PRKCH: variants seen among roughly 807,000 people sequenced by gnomAD.
PRKCH encodes protein kinase C eta type.
Under a neutral mutation model 82.5 loss-of-function variants are expected in PRKCH, and 28 were observed. The observed-to-expected ratio is 0.34, with a 90% CI of 0.25 to 0.47. The LOEUF is 0.47. Ranked by LOEUF, PRKCH falls within the 20% of genes least tolerant of loss-of-function variation. The probability of loss-of-function intolerance (pLI) is 1.00; values close to 1 mark genes in which losing one functional copy is unlikely to be tolerated. For synonymous variants in PRKCH, 322 were observed against 327.4 expected (o/e 0.98, Z 0.18); for missense variants, 705 against 881.8 (o/e 0.80, Z 2.54).
rs577858517 is a variant in PRKCH at position 61,399,375 on chromosome 14, T to G, written c.427+8087T>G. Among the ~76,000 whole-genome samples the G allele has an allele frequency of 1.2e-4, 18 of 152,342 alleles. No individual in the cohort carries two copies. In the East Asian group the frequency reaches 2.3e-3, roughly 20 times the overall value. ...ACTTGAACATTTTACCTCTTTCCACTTACAAATTAAAGCTGGAGGGTTTTT... is the reference window on the plus strand; with the variant it reads ...ACTTGAACATTTTACCTCTTTCCACGTACAAATTAAAGCTGGAGGGTTTTT... On this transcript the variant is annotated intron_variant, in intron 2 of 13. Coordinates refer to ENST00000332981, the MANE Select transcript of PRKCH (RefSeq NM_006255.5).
chr14:61,490,536 G>T (rs187248680), intron 10 of PRKCH, among the ~76,000 whole-genome samples: 5 of 152,256 alleles, frequency 3.3e-5, no homozygotes, highest in Admixed American at 3.3e-4. Context: ...ACTCAGCTGG[G>T]CATAGCCTTG....
At chr14:61,547,611 AAACCC>A (rs1481273158) in intron 12 of PRKCH, 127 bp from the exon 13 acceptor site, 1 of 1,165,668 alleles carries the variant, frequency 8.6e-7, no homozygotes, top group Non-Finnish European at 1.2e-6. Flanking sequence ...CTGTGATGGA[AAACCC>A]AGCTAGTTAA....
intron 1 of PRKCH, among the ~76,000 whole-genome samples, chr14:61,239,158 G>A (rs978371279): frequency 1.1e-4 from 17 of 152,218 alleles, no homozygotes; most frequent in African/African-American, 3.9e-4. Flanking sequence ...AGCGAGCTGT[G>A]GATATTGCAT....
chr14:61,239,469 G>A (rs923293946), intron 1 of PRKCH, among the ~76,000 whole-genome samples: 4 of 152,164 alleles, frequency 2.6e-5, no homozygotes, highest in Non-Finnish European at 2.9e-5. Flanking sequence ...GTCTCAATCT[G>A]ATGTAACTGC....
In PRKCH at chr14:61,550,649, A is replaced by G. The variant is rs1404462954; in HGVS notation, c.*818A>G. ...TGCACATAACTCTTTTTTCACAAGA[A>G]GGGTCACTGCCACAACAGCACAGTC... On this transcript the variant is annotated 3_prime_UTR_variant, in exon 14 of 14. Coordinates refer to ENST00000332981, the MANE Select transcript of PRKCH (RefSeq NM_006255.5). 1 of 152,666 alleles carries G rather than the reference A, an allele frequency of 6.6e-6. No individual in the cohort carries two copies. The highest frequency in any genetic ancestry group is 1.5e-5 in the Non-Finnish European group (1 of 68,048). 9.5% of individuals were successfully genotyped at this position (152,666 alleles called of 1,614,324 possible).
intron 9 of PRKCH, among the ~76,000 whole-genome samples, chr14:61,460,845 C>T (rs1479921076): frequency 2.0e-5 from 3 of 152,166 alleles, no homozygotes; most frequent in Non-Finnish European, 4.4e-5. Context: ...TTGCATTCCT[C>T]TAACTGTGAG....
intron 1 of PRKCH, among the ~76,000 whole-genome samples, chr14:61,369,232 C>T (rs983211852): frequency 6.6e-6 from 1 of 152,110 alleles, no homozygotes; most frequent in African/African-American, 2.4e-5. Context: ...GTTAAAACAG[C>T]TTGCTGGACC....
At chr14:61,528,770 G>C (rs2043004073) in intron 10 of PRKCH, 2 of 212,614 alleles carry the variant, frequency 9.4e-6, no homozygotes, top group African/African-American at 4.6e-5. Flanking sequence ...TAAGTGGAAA[G>C]CCTAGAAAAG....
At chr14:61,347,096 G>A (rs1461912302) in intron 1 of PRKCH, among the ~76,000 whole-genome samples, 1 of 152,144 alleles carries the variant, frequency 6.6e-6, no homozygotes, top group Non-Finnish European at 1.5e-5. Context: ...TGACGGGTGG[G>A]GACTGGTGGG....
At chr14:61,234,473 G>A (rs1238378379) in intron 1 of PRKCH, among the ~76,000 whole-genome samples, 20 of 152,114 alleles carry the variant, frequency 1.3e-4, no homozygotes, top group South Asian at 4.2e-4. Context: ...GAAACTCTAG[G>A]GGGGACAATC....
At position 61,522,871 on chromosome 14, in the gene PRKCH, G is replaced by A. The variant is rs568934941; in HGVS notation, c.1434-6204G>A. Among the ~76,000 whole-genome samples, 17 of 152,354 alleles carry A rather than the reference G, an allele frequency of 1.1e-4. 1 individual carries two copies. Among genetic ancestry groups the A allele is most frequent in the South Asian group, 1.0e-3 (5 of 4,830 alleles). On this transcript the variant is annotated intron_variant, in intron 10 of 13. Coordinates refer to ENST00000332981, the MANE Select transcript of PRKCH (RefSeq NM_006255.5). Reference sequence around the variant, plus strand: ...GGGTGGGTGAAGGGATGGATATCTCGTGTCAGGTGATGCATGAATGGCACT... The same window carrying A: ...GGGTGGGTGAAGGGATGGATATCTCATGTCAGGTGATGCATGAATGGCACT...
chr14:61,214,879 T>G lies in PRKCH; in HGVS notation c.-19+27211T>G, dbSNP rs539990123. ...AAAATCATTGTTTAAATCATTTATG[T>G]TATACTTTATCAGAAGGTGTTTTCA... On this transcript the variant is annotated intron_variant, in intron 1 of 3. Transcript: ENST00000555185. 1.3e-4 allele frequency among the ~76,000 whole-genome samples: 20 copies of G among 152,320 alleles called. No individual in the cohort carries two copies. In the South Asian group the frequency reaches 3.9e-3, roughly 30 times the overall value.
intron 10 of PRKCH, among the ~76,000 whole-genome samples, chr14:61,489,649 T>A (rs188054228): frequency 3.3e-4 from 51 of 152,314 alleles, no homozygotes; most frequent in Non-Finnish European, 1.3e-4. Flanking sequence ...GAGGCAGTCA[T>A]CAAGTCAGTT....
At chr14:61,323,843 G>A (rs901442557) in intron 1 of PRKCH, among the ~76,000 whole-genome samples, 1 of 152,222 alleles carries the variant, frequency 6.6e-6, no homozygotes, top group African/African-American at 2.4e-5. Context: ...ATAGAAGTGA[G>A]TGTAGGCATC....
intron 1 of PRKCH, among the ~76,000 whole-genome samples, chr14:61,382,414 A>T (rs1203943296): frequency 6.6e-6 from 1 of 152,164 alleles, no homozygotes; most frequent in Non-Finnish European, 1.5e-5. Flanking sequence ...TGGGTGACAG[A>T]GCCAGACTCT....
chr14:61,379,785 C>T (rs560662764), intron 1 of PRKCH, among the ~76,000 whole-genome samples: 2 of 152,242 alleles, frequency 1.3e-5, no homozygotes, highest in East Asian at 3.9e-4. Flanking sequence ...CAGGGTCACA[C>T]CTGTCACTTC....
At chr14:61,541,429 T>A (rs2246700) in intron 12 of PRKCH, among the ~76,000 whole-genome samples, 116,770 of 152,200 alleles carry the variant, frequency 0.77, 45,799 homozygotes, top group Non-Finnish European at 0.85. Flanking sequence ...CTAGAGCCAT[T>A]AAATGCCTTT....
chr14:61,391,733 C>T (rs1422606088), intron 2 of PRKCH, among the ~76,000 whole-genome samples: 8 of 152,122 alleles, frequency 5.3e-5, no homozygotes, highest in African/African-American at 7.2e-5. Context: ...CTGTGGCTAC[C>T]GTACTCCCTA....
chr14:61,424,613 G>A (rs1484502304), intron 2 of PRKCH, among the ~76,000 whole-genome samples: 1 of 152,216 alleles, frequency 6.6e-6, no homozygotes, highest in Non-Finnish European at 1.5e-5. Context: ...GAGTATAGAA[G>A]TTTGGAAAAT....
Sources: allele counts gnomAD v4.1 joint callset (sites outside exome capture counted in the v4.1 genomes callset), GRCh38; gene constraint gnomAD v4.1.1; transcripts MANE v1.5; gene names NCBI Gene and HGNC (gene_info 2026-07-23, HGNC 2026-07-21).